The following EFCAB8 variants were observed in gnomAD, a reference collection of about 807,000 sequenced individuals.
The protein encoded by EFCAB8 is EF-hand calcium-binding domain-containing protein 8.
EFCAB8 carries 100 observed loss-of-function variants against 116.3 expected under a neutral mutation model. The ratio of observed to expected loss-of-function variants is 0.86; its 90% CI spans 0.73 to 1.02. The LOEUF is 1.02. Among genes scored for constraint, EFCAB8 ranks in the 50% least tolerant of loss-of-function variants. The probability of loss-of-function intolerance (pLI) is 0.00; values close to 1 mark genes in which losing one functional copy is unlikely to be tolerated. For missense variants in EFCAB8, 1,320 were observed against 1,416.9 expected (o/e 0.93, Z 1.10); for synonymous variants, 558 against 567.9 (o/e 0.98, Z 0.25).
intron 1 of EFCAB8, among the ~76,000 whole-genome samples, chr20:32,859,931 C>T (rs537211185): frequency 1.2e-4 from 19 of 152,338 alleles, no homozygotes; most frequent in Admixed American, 2.0e-4. Context: ...AATTCAGAAT[C>T]GTGCATTGCC....
chr20:32,898,710 T>C, intron 11 of EFCAB8, 87 bp downstream of exon 11: 1 of 680,224 alleles, frequency 1.5e-6, no homozygotes, highest in South Asian at 1.6e-5. Context: ...CAGTGGCAGA[T>C]GGTGGTTGGT....
At chr20:32,920,368 G>A (rs868746834) in intron 20 of EFCAB8, 153 bp downstream of exon 20, 13 of 1,084,108 alleles carry the variant, frequency 1.2e-5, no homozygotes, top group Middle Eastern at 2.8e-4. Flanking sequence ...GAGACGCTCA[G>A]GATACTGGAG....
chr20:32,959,875 A>G lies in EFCAB8; in HGVS notation c.3187A>G (p.Thr1063Ala), dbSNP rs2146308375. 6.4e-7 allele frequency: 1 copy of G among 1,551,440 alleles called. No individual in the cohort carries two copies. The highest frequency in any genetic ancestry group is 1.7e-4 in the Middle Eastern group (1 of 5,990). ...LHGKADKEADTWAKLQKMALM... is the reference protein window; with the variant it reads ...LHGKADKEADAWAKLQKMALM... Reference sequence around the variant, plus strand: ...TGGGAAGGCAGATAAGGAGGCAGACACTTGGGCCAAGCTGCAGAAGATGGC... The same window carrying G: ...TGGGAAGGCAGATAAGGAGGCAGACGCTTGGGCCAAGCTGCAGAAGATGGC... The change falls in exon 25 of 27, where the codon ACT (threonine) becomes GCT (alanine). Residue 1063 changes from threonine to alanine, a missense_variant. By Grantham distance (58) the Thr-to-Ala change is moderately conservative. Coordinates refer to ENST00000400522, the MANE Select transcript of EFCAB8 (RefSeq NM_001143967.2).
At chr20:32,906,762 C>G (rs1459576564) in intron 12 of EFCAB8, 81 bp from the exon 13 acceptor site, 11 of 768,010 alleles carry the variant, frequency 1.4e-5, no homozygotes, top group Non-Finnish European at 2.5e-5. Flanking sequence ...CTCTTGTCCC[C>G]ACTTCTGGGC....
intron 7 of EFCAB8, among the ~76,000 whole-genome samples, chr20:32,890,200 C>T (rs2074909103): frequency 6.6e-6 from 1 of 152,074 alleles, no homozygotes; most frequent in African/African-American, 2.4e-5. Context: ...CCACCTGTCC[C>T]CTCCCTGTGG....
intron 22 of EFCAB8, among the ~76,000 whole-genome samples, chr20:32,942,868 G>A (rs1477415874): frequency 1.3e-5 from 2 of 151,986 alleles, no homozygotes; most frequent in Admixed American, 1.3e-4. Flanking sequence ...TCCTACTACT[G>A]TTTATTGAGT....
At chr20:32,958,788 G>A (rs1013720678) in intron 24 of EFCAB8, among the ~76,000 whole-genome samples, 3 of 152,194 alleles carry the variant, frequency 2.0e-5, no homozygotes, top group Non-Finnish European at 4.4e-5. Flanking sequence ...CAGTGAAAGG[G>A]GAAAATACAA....
chr20:32,913,364 G>A (rs1443279698), intron 17 of EFCAB8, among the ~76,000 whole-genome samples: 1 of 152,044 alleles, frequency 6.6e-6, no homozygotes, highest in Non-Finnish European at 1.5e-5. Flanking sequence ...CCTTTATAAG[G>A]GCACTAATCC....
intron 18 of EFCAB8, among the ~76,000 whole-genome samples, 160 bp from the exon 19 acceptor site, chr20:32,918,202 G>A (rs1987277615): frequency 6.6e-6 from 1 of 152,266 alleles, no homozygotes; most frequent in African/African-American, 2.4e-5. Flanking sequence ...CAGGAATGGG[G>A]TTAGAAGCTC....
chr20:32,916,764 A>G (rs917176318), intron 17 of EFCAB8, among the ~76,000 whole-genome samples: 3 of 152,144 alleles, frequency 2.0e-5, no homozygotes, highest in African/African-American at 7.2e-5. Flanking sequence ...ATTATAAAGT[A>G]TATTCAGTGC....
At chr20:32,870,900 C>G (rs1227274567) in intron 3 of EFCAB8, among the ~76,000 whole-genome samples, 3 of 151,656 alleles carry the variant, frequency 2.0e-5, no homozygotes, top group Non-Finnish European at 2.9e-5. Flanking sequence ...ACTCTGTCAC[C>G]CAGGCTAGAG....
Position 32,877,532 on chromosome 20 carries a change from A to G in EFCAB8, c.328-1172A>G, listed in dbSNP as rs6057666. Among the ~76,000 whole-genome samples the G allele has an allele frequency of 5.1e-3, 774 of 152,330 alleles. 6 individuals carry two copies. The highest frequency in any genetic ancestry group is 0.018 in the African/African-American group (730 of 41,566). The stretch of plus-strand genomic sequence containing the variant: ...CGGTTTTTATTTCTCTTAATGTTCT[A>G]TAATAAACATTTCCTTTAGAACAAT... On this transcript the variant is annotated intron_variant, in intron 4 of 26. Transcript: ENST00000400522.
intron 9 of EFCAB8, among the ~76,000 whole-genome samples, chr20:32,893,886 A>G (rs1191333512): frequency 6.6e-6 from 1 of 152,078 alleles, no homozygotes; most frequent in African/African-American, 2.4e-5. Context: ...TGCAGCCCAT[A>G]ATAAGAGGCA....
intron 21 of EFCAB8, 119 bp from the exon 22 acceptor site, chr20:32,931,059 A>G (rs753886334): frequency 6.1e-6 from 5 of 817,408 alleles, no homozygotes; most frequent in East Asian, 2.7e-5. Flanking sequence ...TCAGAGATGT[A>G]AGTAAGAACT....
At chr20:32,906,756 T>C in intron 12 of EFCAB8, 87 bp from the exon 13 acceptor site, 1 of 752,622 alleles carries the variant, frequency 1.3e-6, no homozygotes, top group South Asian at 1.5e-5. Flanking sequence ...CTGCTGCTCT[T>C]GTCCCCACTT....
chr20:32,928,595 A>G (rs1219376510), intron 20 of EFCAB8, among the ~76,000 whole-genome samples: 2 of 151,916 alleles, frequency 1.3e-5, no homozygotes, highest in Non-Finnish European at 2.9e-5. Flanking sequence ...TTCATTTGTT[A>G]GCCCCTTTTT....
intron 2 of EFCAB8, among the ~76,000 whole-genome samples, chr20:32,865,200 T>C (rs1984326570): frequency 6.6e-6 from 1 of 152,154 alleles, no homozygotes. Context: ...GTGGCAGTGA[T>C]GACTGTCATC....
chr20:32,883,257 G>A (rs926031222), intron 5 of EFCAB8, among the ~76,000 whole-genome samples: 2 of 152,194 alleles, frequency 1.3e-5, no homozygotes, highest in Non-Finnish European at 2.9e-5. Flanking sequence ...AGTCGTAGGG[G>A]TAGCTTCAGT....
chr20:32,911,591 G>A lies in EFCAB8; in HGVS notation c.1669G>A (p.Ala557Thr). The change falls in exon 16 of 27, where the codon GCC becomes ACC. Residue 557 changes from alanine to threonine, a missense_variant. By Grantham distance (58) the Ala-to-Thr change is moderately conservative (BLOSUM62 0). Transcript: ENST00000400522. ...CCAGCACGTGGAGATGACCGCCATG[G>A]CCCTGGATGAGTCAGAGCGGTGCCT... is the stretch of plus-strand genomic sequence containing the variant. Reference protein sequence around the residue: ...GGQHVEMTAMALDESERCLLT... With the variant: ...GGQHVEMTAMTLDESERCLLT... 1 of 1,550,970 alleles carries A rather than the reference G, an allele frequency of 6.4e-7. No individual in the cohort carries two copies. The highest frequency in any genetic ancestry group is 1.4e-5 in the African/African-American group (1 of 73,180).
Sources: gnomAD v4.1 joint callset for allele counts (sites outside exome capture counted in the v4.1 genomes callset) on GRCh38, gnomAD v4.1.1 for gene constraint, MANE v1.5 for transcripts, NCBI Gene and HGNC (gene_info 2026-07-23, HGNC 2026-07-21) for gene names.